RPTOR: variants seen among roughly 807,000 people sequenced by gnomAD.
RPTOR encodes regulatory associated protein of MTOR complex 1, also known as regulatory-associated protein of mTOR.
In RPTOR, 21 loss-of-function variants were observed where a neutral mutation model predicts 169.9. The observed-to-expected ratio is 0.12, with a 90% CI of 0.09 to 0.18. The LOEUF is 0.18. Among genes scored for constraint, RPTOR ranks in the 10% least tolerant of loss-of-function variants. RPTOR has a pLI of 1.00. For missense variants in RPTOR, 1,133 were observed against 1,855.9 expected (o/e 0.61, Z 7.16); for synonymous variants, 732 against 753.2 (o/e 0.97, Z 0.46).
In RPTOR at chr17:80,722,200, T is replaced by A. The variant is rs976594365; in HGVS notation, c.508-8360T>A. 5.3e-5 allele frequency among the ~76,000 whole-genome samples: 8 copies of A among 151,228 alleles called. No homozygotes were observed. In the South Asian group the frequency reaches 1.0e-3, roughly 20 times the overall value. Reference sequence around the variant, plus strand: ...AGTGCCGTCATCATCATCATCATCATTGAGTTTGGAAGAGGAAATGATAAG... The same window carrying A: ...AGTGCCGTCATCATCATCATCATCAATGAGTTTGGAAGAGGAAATGATAAG... On this transcript the variant is annotated intron_variant, in intron 4 of 33. Coordinates refer to ENST00000306801, the MANE Select transcript of RPTOR (RefSeq NM_020761.3).
At chr17:80,636,982 C>T (rs60154966) in intron 2 of RPTOR, among the ~76,000 whole-genome samples, 7 of 152,194 alleles carry the variant, frequency 4.6e-5, no homozygotes, top group Admixed American at 2.6e-4. Context: ...AGTAGATGCA[C>T]GGTGCTGCTT....
intron 11 of RPTOR, among the ~76,000 whole-genome samples, chr17:80,850,631 T>A (rs1285054272): frequency 1.3e-5 from 2 of 152,216 alleles, no homozygotes; most frequent in Non-Finnish European, 2.9e-5. Flanking sequence ...CACAGATCAG[T>A]GTGAGCATTT....
At chr17:80,848,791 CA>C (rs1268799904) in intron 11 of RPTOR, among the ~76,000 whole-genome samples, 3 of 152,228 alleles carry the variant, frequency 2.0e-5, no homozygotes, top group African/African-American at 7.2e-5. Flanking sequence ...TTGGGTCCAG[CA>C]AATAATCTTT....
intron 17 of RPTOR, among the ~76,000 whole-genome samples, chr17:80,885,726 A>G (rs1375946407): frequency 1.3e-5 from 2 of 152,100 alleles, no homozygotes; most frequent in Non-Finnish European, 2.9e-5. Flanking sequence ...TATTTTTAGT[A>G]GAGATGGGGT....
chr17:80,614,013 C>T (rs1033686221), intron 1 of RPTOR, among the ~76,000 whole-genome samples: 16 of 152,146 alleles, frequency 1.1e-4, no homozygotes, highest in Non-Finnish European at 1.9e-4. Context: ...GCCTCCCCGG[C>T]GACACTGCTG....
intron 1 of RPTOR, among the ~76,000 whole-genome samples, chr17:80,606,423 A>G (rs925741982): frequency 2.0e-5 from 3 of 150,680 alleles, no homozygotes; most frequent in Admixed American, 6.7e-5. Context: ...TATGTTGCCC[A>G]GGCTGGTCTG....
At position 80,609,055 on chromosome 17, in the gene RPTOR, G is replaced by A. The variant is rs949671150; in HGVS notation, c.163-16636G>A. On this transcript the variant is annotated intron_variant, in intron 1 of 33. Transcript: ENST00000306801. This position sits in a 1 kb window ranked among gnomAD's most constrained non-coding sequence, Gnocchi z 4.8. Reference sequence around the variant, plus strand: ...GGCCAGGAGAGGAGAGAGTTGGGAGGAGGAAGTGGCCATGCTGCAGGTGCC... The same window carrying A: ...GGCCAGGAGAGGAGAGAGTTGGGAGAAGGAAGTGGCCATGCTGCAGGTGCC... Among the ~76,000 whole-genome samples, 4 of 152,220 alleles carry A rather than the reference G, an allele frequency of 2.6e-5. No individual in the cohort carries two copies. Among genetic ancestry groups the A allele is most frequent in the African/African-American group, 9.6e-5 (4 of 41,452 alleles).
intron 9 of RPTOR, among the ~76,000 whole-genome samples, chr17:80,830,438 C>T (rs904166541): frequency 6.6e-6 from 1 of 152,244 alleles, no homozygotes; most frequent in African/African-American, 2.4e-5. Flanking sequence ...ATGACTTTAA[C>T]GGTAGTAGAC....
chr17:80,621,645 C>T (rs1021673178), intron 1 of RPTOR, among the ~76,000 whole-genome samples: 2 of 152,242 alleles, frequency 1.3e-5, no homozygotes, highest in African/African-American at 2.4e-5. Context: ...AACGCCACCA[C>T]CTAGTTCATG....
At chr17:80,830,175 C>A (rs555354378) in intron 9 of RPTOR, among the ~76,000 whole-genome samples, 4 of 152,190 alleles carry the variant, frequency 2.6e-5, no homozygotes, top group Admixed American at 6.5e-5. Context: ...CCGCTGGCTT[C>A]TCTGTTCTGT....
At chr17:80,879,436 C>T (rs556207110) in intron 13 of RPTOR, among the ~76,000 whole-genome samples, 1 of 149,030 alleles carries the variant, frequency 6.7e-6, no homozygotes, top group Admixed American at 6.7e-5. Flanking sequence ...CCTTTCTCCT[C>T]CCACTCCCAC....
chr17:80,828,569 C>T (rs569155227), intron 9 of RPTOR, among the ~76,000 whole-genome samples: 1 of 152,238 alleles, frequency 6.6e-6, no homozygotes, highest in East Asian at 1.9e-4. Flanking sequence ...CTTGGCTTTA[C>T]GGCCTTTACA....
chr17:80,617,473 G>A (rs370617714), intron 1 of RPTOR, among the ~76,000 whole-genome samples: 7 of 152,054 alleles, frequency 4.6e-5, no homozygotes, highest in African/African-American at 7.2e-5. Flanking sequence ...TTTAATATAC[G>A]CCATTTAATT....
intron 10 of RPTOR, among the ~76,000 whole-genome samples, chr17:80,838,677 G>A (rs529688028): frequency 9.8e-5 from 15 of 152,332 alleles, no homozygotes; most frequent in Non-Finnish European, 1.3e-4. Flanking sequence ...GCAAGAGGGC[G>A]CGGCAGACAC....
Position 80,960,535 on chromosome 17 carries a change from C to T in RPTOR, c.3605+330C>T, listed in dbSNP as rs112308268. Among the ~76,000 whole-genome samples, 4 of 152,336 alleles carry T rather than the reference C, an allele frequency of 2.6e-5. No individual in the cohort carries two copies. The highest frequency in any genetic ancestry group is 9.6e-5 in the African/African-American group (4 of 41,584). The stretch of plus-strand genomic sequence containing the variant: ...AGGGCCGCAGCCAGGCACCTGCCAC[C>T]TCTGAGCTCACCTGAACAGAATACT... On this transcript the variant is annotated intron_variant, in intron 30 of 33. Transcript: ENST00000306801. The surrounding 1 kb of genome is among the most constrained non-coding windows in gnomAD (Gnocchi z 4.8).
intron 3 of RPTOR, among the ~76,000 whole-genome samples, chr17:80,688,157 T>C (rs952316447): frequency 3.3e-5 from 5 of 152,234 alleles, no homozygotes; most frequent in African/African-American, 1.2e-4. Flanking sequence ...AACACTCACG[T>C]AGCACTGCTG....
At chr17:80,934,967 G>T (rs1204665439) in intron 24 of RPTOR, among the ~76,000 whole-genome samples, 1 of 150,732 alleles carries the variant, frequency 6.6e-6, no homozygotes, top group Non-Finnish European at 1.5e-5. Flanking sequence ...AAGGAGGATC[G>T]CTTGAGTCCA....
chr17:80,571,882 G>A (rs1258493489), intron 1 of RPTOR, among the ~76,000 whole-genome samples: 2 of 152,086 alleles, frequency 1.3e-5, no homozygotes, highest in South Asian at 2.1e-4. Flanking sequence ...TTGCGTTTTC[G>A]TGTGTTGCTT....
chr17:80,553,120 C>T (rs1318373279), intron 1 of RPTOR, among the ~76,000 whole-genome samples: 2 of 152,230 alleles, frequency 1.3e-5, no homozygotes, highest in Non-Finnish European at 2.9e-5. Flanking sequence ...CTACTAGTTC[C>T]TGATTTCTTT....
Sources: allele counts gnomAD v4.1 joint callset (sites outside exome capture counted in the v4.1 genomes callset), GRCh38; gene constraint gnomAD v4.1.1; non-coding constraint Gnocchi (gnomAD v3.1); transcripts MANE v1.5; gene names NCBI Gene and HGNC (gene_info 2026-07-23, HGNC 2026-07-21).